Variants in MAJIN observed in about 807,000 individuals in gnomAD.
The protein encoded by MAJIN is membrane-anchored junction protein.
A neutral mutation model predicts 30.2 loss-of-function variants in MAJIN; 27 were observed. That is an observed-to-expected ratio of 0.89 (90% CI 0.66 to 1.23). MAJIN has a LOEUF of 1.23. Ranked by LOEUF, MAJIN falls within the 50% of genes most tolerant of loss-of-function variation. The probability of loss-of-function intolerance (pLI) is 0.00; values close to 1 mark genes in which losing one functional copy is unlikely to be tolerated. For missense variants in MAJIN, 253 were observed against 260.3 expected (o/e 0.97, Z 0.19); for synonymous variants, 78 against 91.6 (o/e 0.85, Z 0.85).
At chr11:64,955,840 A>C (rs532188110) in intron 3 of MAJIN, among the ~76,000 whole-genome samples, 1 of 152,222 alleles carries the variant, frequency 6.6e-6, no homozygotes. Context: ...AAATATTCCA[A>C]ATGACCAGTG....
chr11:64,944,596 T>C (rs1945422897), intron 8 of MAJIN, among the ~76,000 whole-genome samples: 2 of 152,046 alleles, frequency 1.3e-5, no homozygotes, highest in Admixed American at 1.3e-4. Context: ...GAGGTGGAGG[T>C]TGCAGTGAGC....
intron 1 of MAJIN, among the ~76,000 whole-genome samples, chr11:64,965,738 C>T (rs568794990): frequency 2.0e-5 from 3 of 152,134 alleles, no homozygotes; most frequent in South Asian, 4.1e-4. Flanking sequence ...GGGCTGATCA[C>T]GAGGTCAGGA....
At chr11:64,970,357 C>CCA (rs1945878816) in intron 1 of MAJIN, among the ~76,000 whole-genome samples, 2 of 107,642 alleles carry the variant, frequency 1.9e-5, no homozygotes, top group Admixed American at 1.8e-4. Context: ...GAGCAAGACT[C>CCA]CGTCTTTTTT....
intron 6 of MAJIN, 135 bp downstream of exon 6, chr11:64,949,608 C>T (rs904047644): frequency 8.7e-7 from 1 of 1,144,632 alleles, no homozygotes; most frequent in Non-Finnish European, 1.2e-6. Flanking sequence ...ACCGGTCAGT[C>T]TGGCCTGGAG....
intron 4 of MAJIN, among the ~76,000 whole-genome samples, chr11:64,951,764 CAAAAAA>C (rs11329539): frequency 3.1e-5 from 3 of 95,902 alleles, no homozygotes; most frequent in East Asian, 3.1e-4. Flanking sequence ...AACCTTGTCT[CAAAAAA>C]AAAAAAAAAA....
At chr11:64,949,665 A>G in intron 6 of MAJIN, 78 bp downstream of exon 6, 1 of 1,538,800 alleles carries the variant, frequency 6.5e-7, no homozygotes. Flanking sequence ...CTAATCTGGT[A>G]GCCCCTTTCG....
intron 9 of MAJIN, among the ~76,000 whole-genome samples, chr11:64,940,317 A>T (rs1374782828): frequency 6.6e-6 from 1 of 152,182 alleles, no homozygotes; most frequent in Non-Finnish European, 1.5e-5. Flanking sequence ...TGAAATAGTG[A>T]GAGCATAACT....
intron 4 of MAJIN, among the ~76,000 whole-genome samples, chr11:64,953,394 G>A (rs1234994396): frequency 6.6e-6 from 1 of 152,264 alleles, no homozygotes; most frequent in East Asian, 1.9e-4. Flanking sequence ...GGTTTGACTG[G>A]CTCTAAAGTC....
Position 64,958,876 on chromosome 11 carries a change from T to C in MAJIN, c.101+429A>G, listed in dbSNP as rs571150492. Among the ~76,000 whole-genome samples the C allele has an allele frequency of 3.9e-5, 6 of 152,048 alleles. No homozygotes were observed. The South Asian group carries it at 1.0e-3, about 26-fold the overall frequency. On this transcript the variant is annotated intron_variant, in intron 3 of 10. Transcript: ENST00000301896. The stretch of plus-strand genomic sequence containing the variant: ...CTGACCTCAAGTGATCCATCCACCT[T>C]GGCCTCCCAAAGTGCTGGGATTATA...
intron 4 of MAJIN, among the ~76,000 whole-genome samples, chr11:64,952,184 C>T (rs1453408013): frequency 4.0e-5 from 6 of 151,706 alleles, no homozygotes; most frequent in African/African-American, 1.2e-4. Context: ...CGACCACGCC[C>T]GGCCTTTTTT....
chr11:64,945,129 G>A (rs936281535), intron 8 of MAJIN, among the ~76,000 whole-genome samples: 19 of 152,052 alleles, frequency 1.2e-4, no homozygotes, highest in Non-Finnish European at 2.5e-4. Context: ...AGGCCGAGGC[G>A]GGTGGATCAC....
intron 8 of MAJIN, among the ~76,000 whole-genome samples, chr11:64,942,503 TC>T (rs1032641064): frequency 2.6e-5 from 4 of 151,978 alleles, no homozygotes; most frequent in Non-Finnish European, 5.9e-5. Flanking sequence ...ATAGCTTAGC[TC>T]CCATGGCGAA....
chr11:64,961,025 A>T (rs969895813), intron 1 of MAJIN, among the ~76,000 whole-genome samples: 2 of 152,212 alleles, frequency 1.3e-5, no homozygotes, highest in African/African-American at 4.8e-5. Context: ...CCCATACCAA[A>T]GGCATGGCAG....
At chr11:64,958,728 A>C (rs1945675797) in intron 3 of MAJIN, among the ~76,000 whole-genome samples, 1 of 151,960 alleles carries the variant, frequency 6.6e-6, no homozygotes, top group African/African-American at 2.4e-5. Flanking sequence ...AGCTCACTGC[A>C]ACCTCCATCT....
chr11:64,942,367 G>A (rs1185944326), intron 8 of MAJIN, among the ~76,000 whole-genome samples: 1 of 151,684 alleles, frequency 6.6e-6, no homozygotes, highest in African/African-American at 2.4e-5. Context: ...CTGAGATTTT[G>A]GTGCACCCAT....
chr11:64,950,922 C>G (rs145474295), intron 4 of MAJIN, among the ~76,000 whole-genome samples: 1 of 152,298 alleles, frequency 6.6e-6, no homozygotes, highest in Non-Finnish European at 1.5e-5. Context: ...AAGGGAATTT[C>G]TCTTCCTGAA....
rs572364670 is a variant in MAJIN, at chr11:64,954,945, T to C, written c.102-143A>G. 148 of 738,118 alleles carry C rather than the reference T, an allele frequency of 2.0e-4. No individual in the cohort carries two copies. In the South Asian group the frequency reaches 2.3e-3, roughly 12 times the overall value. 45.7% of individuals were successfully genotyped at this position (738,118 alleles called of 1,614,324 possible). A position where few individuals can be genotyped will look rare whatever the true frequency, so the allele number is the denominator to read the frequency against. On this transcript the variant is annotated intron_variant, in intron 3 of 10. Transcript: ENST00000301896. ...ACTGTGTAAGCTGACCCAGTGCTCA[T>C]GGGGAAGAAGTGATCACCTAGGTGG...
chr11:64,968,980 C>T (rs1002605093), intron 1 of MAJIN, among the ~76,000 whole-genome samples: 3 of 152,118 alleles, frequency 2.0e-5, no homozygotes, highest in African/African-American at 7.2e-5. Context: ...GAGAAAGATG[C>T]TGCTGATTTG....
intron 1 of MAJIN, among the ~76,000 whole-genome samples, chr11:64,966,576 TA>T (rs1945813418): frequency 6.6e-6 from 1 of 152,004 alleles, no homozygotes; most frequent in Non-Finnish European, 1.5e-5. Flanking sequence ...GGACTTTTTA[TA>T]TAAAGAGGGC....
Sources: gnomAD v4.1 joint callset for allele counts (sites outside exome capture counted in the v4.1 genomes callset) on GRCh38, gnomAD v4.1.1 for gene constraint, MANE v1.5 for transcripts, NCBI Gene and HGNC (gene_info 2026-07-23, HGNC 2026-07-21) for gene names.